NEDD9: variants seen among roughly 807,000 people sequenced by gnomAD.
NEDD9 encodes the protein neural precursor cell expressed, developmentally down-regulated 9.
In NEDD9, 26 loss-of-function variants were observed where a neutral mutation model predicts 76.6. The ratio of observed to expected loss-of-function variants is 0.34; its 90% CI spans 0.25 to 0.47. NEDD9 has a LOEUF of 0.47. NEDD9 is among the 20% of genes least tolerant of loss of function. The probability of loss-of-function intolerance (pLI) is 1.00; values close to 1 mark genes in which losing one functional copy is unlikely to be tolerated. For missense variants in NEDD9, 937 were observed against 1,058.5 expected (o/e 0.89, Z 1.59); for synonymous variants, 392 against 414.2 (o/e 0.95, Z 0.65).
intron 3 of NEDD9, among the ~76,000 whole-genome samples, chr6:11,240,667 G>A (rs1229094878): frequency 6.6e-6 from 1 of 152,090 alleles, no homozygotes; most frequent in Non-Finnish European, 1.5e-5. Context: ...TCAAAGAATT[G>A]AAAAACGTTG....
intron 3 of NEDD9, among the ~76,000 whole-genome samples, chr6:11,257,591 T>C (rs1760029458): frequency 6.6e-6 from 1 of 152,224 alleles, no homozygotes; most frequent in African/African-American, 2.4e-5. Flanking sequence ...TGTTCCTTTT[T>C]GTTCTAATTT....
chr6:11,275,946 C>A (rs930402868), intron 3 of NEDD9, among the ~76,000 whole-genome samples: 2 of 152,154 alleles, frequency 1.3e-5, no homozygotes, highest in Non-Finnish European at 2.9e-5. Flanking sequence ...ATGTTTCAAC[C>A]TCCTCAAACG....
chr6:11,342,082 T>C (rs1365700313), intron 1 of NEDD9, among the ~76,000 whole-genome samples: 1 of 151,718 alleles, frequency 6.6e-6, no homozygotes, highest in Non-Finnish European at 1.5e-5. Context: ...GCCAGCAGGT[T>C]GGAGATGATA....
chr6:11,380,404 G>A (rs1294317745), intron 1 of NEDD9, among the ~76,000 whole-genome samples: 1 of 152,256 alleles, frequency 6.6e-6, no homozygotes, highest in East Asian at 1.9e-4. Flanking sequence ...TTGATTCCGT[G>A]TAGATTATTC....
At chr6:11,289,874 G>A (rs761759257) in intron 3 of NEDD9, among the ~76,000 whole-genome samples, 2 of 152,164 alleles carry the variant, frequency 1.3e-5, no homozygotes, top group Non-Finnish European at 2.9e-5. Flanking sequence ...TTAAGAATAA[G>A]AGAAACAATA....
intron 2 of NEDD9, among the ~76,000 whole-genome samples, chr6:11,316,957 C>T (rs1382816578): frequency 6.6e-6 from 1 of 152,122 alleles, no homozygotes; most frequent in Non-Finnish European, 1.5e-5. Flanking sequence ...TTGAATGCGG[C>T]ATGTTAAGTT....
At chr6:11,380,206 T>A (rs796550404) in intron 1 of NEDD9, among the ~76,000 whole-genome samples, 3 of 152,176 alleles carry the variant, frequency 2.0e-5, no homozygotes, top group African/African-American at 7.2e-5. Flanking sequence ...ACGACTAAAC[T>A]CTTTAAGTAC....
intron 1 of NEDD9, among the ~76,000 whole-genome samples, chr6:11,347,155 T>C (rs1762378373): frequency 6.6e-6 from 1 of 151,986 alleles, no homozygotes; most frequent in African/African-American, 2.4e-5. Context: ...GGGTACAAAG[T>C]GGAGAGGAGC....
At chr6:11,349,254 A>G (rs1762420349) in intron 1 of NEDD9, among the ~76,000 whole-genome samples, 1 of 152,200 alleles carries the variant, frequency 6.6e-6, no homozygotes, top group Non-Finnish European at 1.5e-5. Context: ...GCTATTAACA[A>G]AAAATAAAAA....
intron 3 of NEDD9, among the ~76,000 whole-genome samples, chr6:11,285,879 A>T (rs919568081): frequency 7.9e-5 from 12 of 152,300 alleles, no homozygotes; most frequent in Admixed American, 3.3e-4. Flanking sequence ...AGAAATAAAT[A>T]TAAAACCTAA....
In NEDD9 at chr6:11,188,299, C is replaced by T; in HGVS notation, c.1914G>A (p.Glu638=). The part of the protein sequence containing the change: ...DYDYVHLQGK[E]EFERQQKELL... ...GCTCTTTCTGTTGCCTCTCAAACTCCTCCTTACCCTGTTAATTTTCAACAT... is the reference window on the plus strand; with the variant it reads ...GCTCTTTCTGTTGCCTCTCAAACTCTTCCTTACCCTGTTAATTTTCAACAT... Residue 638 remains glutamate (E), a synonymous_variant, in exon 6 of 7, where the codon GAG becomes GAA. Coordinates refer to ENST00000379446, the MANE Select transcript of NEDD9 (RefSeq NM_006403.4). The T allele has an allele frequency of 6.2e-6, 10 of 1,613,216 alleles. No individual in the cohort carries two copies. The highest frequency in any genetic ancestry group is 1.7e-5 in the Admixed American group (1 of 60,030).
chr6:11,313,676 A>G (rs1761452946), intron 2 of NEDD9, among the ~76,000 whole-genome samples: 1 of 152,134 alleles, frequency 6.6e-6, no homozygotes, highest in South Asian at 2.1e-4. Flanking sequence ...TCCTACCCTC[A>G]CTCTGCAAGT....
At chr6:11,186,203 T>C (rs778769024) in intron 6 of NEDD9, among the ~76,000 whole-genome samples, 23 of 152,120 alleles carry the variant, frequency 1.5e-4, no homozygotes, top group Admixed American at 9.8e-4. Context: ...TCTGTCAAGA[T>C]TGATAGACAT....
rs925977633 is a variant in NEDD9, at chr6:11,185,782, G to A, written c.1996-111C>T. 4.7e-6 allele frequency: 6 copies of A among 1,273,742 alleles called. No homozygotes were observed. In the African/African-American group the frequency reaches 7.4e-5, roughly 16 times the overall value. The allele number at this position is 1,273,742 out of a possible 1,614,324, so 78.9% of individuals were successfully genotyped here. A position where few individuals can be genotyped will look rare whatever the true frequency, so the allele number is the denominator to read the frequency against. On this transcript the variant is annotated intron_variant, in intron 6 of 6. Transcript: ENST00000379446. ...GGATTTTAGTCGCTAGTAACTGTCA[G>A]ATGCATGTGAGCTGTAAAGCCTGGG...
At chr6:11,285,066 T>C (rs557942016) in intron 3 of NEDD9, among the ~76,000 whole-genome samples, 1 of 152,282 alleles carries the variant, frequency 6.6e-6, no homozygotes, top group South Asian at 2.1e-4. Context: ...GGTGTTACGT[T>C]AAACTGCATA....
Position 11,301,457 on chromosome 6 carries a change from A to G in NEDD9, c.12+4535T>C, listed in dbSNP as rs1403687470. On this transcript the variant is annotated intron_variant, in intron 3 of 3. Transcript: ENST00000397378. Reference sequence around the variant, plus strand: ...CCCACTGTCAGTATTAGACAGATCAATGAGACAGAAGGTTAACAAGGATAT... The same window carrying G: ...CCCACTGTCAGTATTAGACAGATCAGTGAGACAGAAGGTTAACAAGGATAT... 2.0e-5 allele frequency among the ~76,000 whole-genome samples: 3 copies of G among 152,220 alleles called. No homozygotes were observed. The East Asian group carries it at 5.8e-4, about 29-fold the overall frequency.
At chr6:11,284,982 G>C (rs1412219306) in intron 3 of NEDD9, among the ~76,000 whole-genome samples, 2 of 152,152 alleles carry the variant, frequency 1.3e-5, no homozygotes, top group African/African-American at 4.8e-5. Flanking sequence ...TAGAGAGACT[G>C]TGAATTTCCC....
intron 3 of NEDD9, among the ~76,000 whole-genome samples, chr6:11,295,286 T>C (rs776662605): frequency 3.3e-5 from 5 of 152,238 alleles, no homozygotes; most frequent in Admixed American, 6.5e-5. Context: ...TTTATTGTTA[T>C]TATTGTATGA....
At chr6:11,267,619 C>A (rs1243991515) in intron 3 of NEDD9, among the ~76,000 whole-genome samples, 1 of 152,002 alleles carries the variant, frequency 6.6e-6, no homozygotes, top group Non-Finnish European at 1.5e-5. Context: ...CAACAACAAT[C>A]CTAGGGAACA....
Sources: gnomAD v4.1 joint callset for allele counts (sites outside exome capture counted in the v4.1 genomes callset) on GRCh38, gnomAD v4.1.1 for gene constraint, MANE v1.5 for transcripts, NCBI Gene and HGNC (gene_info 2026-07-23, HGNC 2026-07-21) for gene names.